Variants in HS6ST3 observed in about 807,000 individuals in gnomAD.
HS6ST3 encodes heparan sulfate 6-O-sulfotransferase 3.
HS6ST3 carries 12 observed loss-of-function variants against 36.7 expected under a neutral mutation model. The observed-to-expected ratio is 0.33, with a 90% CI of 0.21 to 0.53. The LOEUF (loss-of-function observed/expected upper bound fraction) is 0.53. Ranked by LOEUF, HS6ST3 falls within the 20% of genes least tolerant of loss-of-function variation. The pLI, the probability that HS6ST3 is intolerant of heterozygous loss-of-function variation, is 0.95. For missense variants in HS6ST3, 584 were observed against 640.9 expected (o/e 0.91, Z 0.96); for synonymous variants, 240 against 257.5 (o/e 0.93, Z 0.65).
Position 96,708,437 on chromosome 13 carries a change from A to G in HS6ST3, c.708-124053A>G, listed in dbSNP as rs547061261. On this transcript the variant is annotated intron_variant, in intron 1 of 1. Coordinates refer to ENST00000376705, the MANE Select transcript of HS6ST3 (RefSeq NM_153456.4). ...TCTTTCTCTGACCTCTGGCAGGCCA[A>G]TCGTCTTACAGAGGGAGGTCGGAAA... Among the ~76,000 whole-genome samples, 53 of 152,330 alleles carry G rather than the reference A, an allele frequency of 3.5e-4. No homozygotes were observed. The South Asian group carries it at 3.9e-3, about 11-fold the overall frequency.
chr13:96,499,306 G>A (rs185245088), intron 1 of HS6ST3, among the ~76,000 whole-genome samples: 3 of 152,052 alleles, frequency 2.0e-5, no homozygotes, highest in East Asian at 1.9e-4. Context: ...GATTACAGGC[G>A]TGAGCCACCA....
chr13:96,242,840 C>A, intron 1 of HS6ST3, among the ~76,000 whole-genome samples: 1 of 152,070 alleles, frequency 6.6e-6, no homozygotes, highest in East Asian at 1.9e-4. Flanking sequence ...CTTTTCAATT[C>A]TAAAAAAATT....
At chr13:96,818,296 A>T (rs1373421860) in intron 1 of HS6ST3, among the ~76,000 whole-genome samples, 1 of 152,238 alleles carries the variant, frequency 6.6e-6, no homozygotes, top group African/African-American at 2.4e-5. Flanking sequence ...ACTGCAGCTG[A>T]AAGATCCCAT....
chr13:96,686,478 GCTGA>G (rs1712891733), intron 1 of HS6ST3, among the ~76,000 whole-genome samples: 1 of 151,972 alleles, frequency 6.6e-6, no homozygotes, highest in African/African-American at 2.4e-5. Flanking sequence ...CATGGCTTGT[GCTGA>G]CTAAGCACAT....
chr13:96,610,467 C>T (rs2056453489), intron 1 of HS6ST3, among the ~76,000 whole-genome samples: 1 of 152,178 alleles, frequency 6.6e-6, no homozygotes, highest in African/African-American at 2.4e-5. Context: ...TTCTAATCAG[C>T]ACCCAGAAGT....
At chr13:96,307,892 C>CTT (rs1337073157) in intron 1 of HS6ST3, among the ~76,000 whole-genome samples, 1 of 151,742 alleles carries the variant, frequency 6.6e-6, no homozygotes, top group Non-Finnish European at 1.5e-5. Context: ...AAAAAGAAAA[C>CTT]GGTTTTGACT....
At chr13:96,224,406 C>T (rs548403044) in intron 1 of HS6ST3, among the ~76,000 whole-genome samples, 18 of 152,108 alleles carry the variant, frequency 1.2e-4, no homozygotes, top group Non-Finnish European at 2.6e-4. Flanking sequence ...ATGGCAGCCT[C>T]GACCTCCTGG....
chr13:96,331,326 C>T (rs2055065896), intron 1 of HS6ST3, among the ~76,000 whole-genome samples: 1 of 151,692 alleles, frequency 6.6e-6, no homozygotes, highest in South Asian at 2.1e-4. Context: ...TACTTTTGGT[C>T]TTTGATGATG....
intron 1 of HS6ST3, among the ~76,000 whole-genome samples, chr13:96,499,665 TG>T (rs1159164410): frequency 3.3e-5 from 5 of 152,156 alleles, no homozygotes; most frequent in African/African-American, 1.2e-4. Flanking sequence ...GATCACTTTC[TG>T]GGCAGCATGA....
intron 1 of HS6ST3, among the ~76,000 whole-genome samples, chr13:96,472,706 C>G (rs1036744350): frequency 6.6e-6 from 1 of 151,978 alleles, no homozygotes; most frequent in Non-Finnish European, 1.5e-5. Context: ...AACACAGCAC[C>G]TGGCACTTAG....
intron 1 of HS6ST3, among the ~76,000 whole-genome samples, chr13:96,646,068 G>A (rs891652970): frequency 6.6e-6 from 1 of 151,924 alleles, no homozygotes; most frequent in Non-Finnish European, 1.5e-5. Flanking sequence ...ATTTTCAAGT[G>A]TACAAAGGAA....
intron 1 of HS6ST3, among the ~76,000 whole-genome samples, chr13:96,787,673 G>C (rs1877684840): frequency 6.6e-6 from 1 of 151,864 alleles, no homozygotes; most frequent in African/African-American, 2.4e-5. Context: ...CTCTTTGAAT[G>C]ATATGTGATT....
chr13:96,420,774 G>A (rs1215689085), intron 1 of HS6ST3, among the ~76,000 whole-genome samples: 1 of 152,082 alleles, frequency 6.6e-6, no homozygotes, highest in African/African-American at 2.4e-5. Flanking sequence ...ATTTCATTTG[G>A]TTTTGAAACA....
intron 1 of HS6ST3, among the ~76,000 whole-genome samples, chr13:96,710,137 T>G (rs1356687790): frequency 6.6e-6 from 1 of 152,252 alleles, no homozygotes; most frequent in Admixed American, 6.5e-5. Flanking sequence ...CTGTGGTTAC[T>G]ATTATTCTAA....
intron 1 of HS6ST3, among the ~76,000 whole-genome samples, chr13:96,765,588 T>TTCTCTCTCTCTCTCTCTCTCTCTC (rs58979172): frequency 7.0e-6 from 1 of 142,596 alleles, no homozygotes; most frequent in Non-Finnish European, 1.5e-5. Context: ...CTCTCTCTCT[T>TTCTCTCTCTCTCTCTCTCTCTCTC]TCTCTCTCTC....
At chr13:96,342,374 C>T (rs1239756818) in intron 1 of HS6ST3, among the ~76,000 whole-genome samples, 1 of 152,138 alleles carries the variant, frequency 6.6e-6, no homozygotes, top group Admixed American at 6.5e-5. Flanking sequence ...GCTTTAAAGC[C>T]TAGGTATCTA....
chr13:96,636,700 T>C (rs1043533516), intron 1 of HS6ST3, among the ~76,000 whole-genome samples: 1 of 152,134 alleles, frequency 6.6e-6, no homozygotes, highest in Non-Finnish European at 1.5e-5. Flanking sequence ...GAATATGGAA[T>C]TGACATAAAT....
chr13:96,401,556 CA>C (rs1479904139), intron 1 of HS6ST3, among the ~76,000 whole-genome samples: 17 of 152,122 alleles, frequency 1.1e-4, no homozygotes, highest in African/African-American at 4.1e-4. Context: ...ATTCATGAAT[CA>C]AAAATACTTT....
intron 1 of HS6ST3, among the ~76,000 whole-genome samples, chr13:96,202,351 TC>T (rs1004528127): frequency 3.3e-5 from 5 of 152,338 alleles, no homozygotes; most frequent in African/African-American, 1.2e-4. Flanking sequence ...CTAGCTACTA[TC>T]CCTTCTGCAT....
Sources: gnomAD v4.1 joint callset for allele counts (sites outside exome capture counted in the v4.1 genomes callset) on GRCh38, gnomAD v4.1.1 for gene constraint, MANE v1.5 for transcripts, NCBI Gene and HGNC (gene_info 2026-07-23, HGNC 2026-07-21) for gene names.